Variants in CLSTN2 observed in about 807,000 individuals in gnomAD.
The protein encoded by CLSTN2 is calsyntenin-2.
CLSTN2 carries 48 observed loss-of-function variants against 101.2 expected under a neutral mutation model. The observed-to-expected ratio is 0.47, with a 90% CI of 0.38 to 0.60. The LOEUF (loss-of-function observed/expected upper bound fraction) is 0.60, where lower values mean the gene tolerates loss of function less well. CLSTN2 is among the 20% of genes least tolerant of loss of function. The pLI is 0.00. For missense variants in CLSTN2, 1,160 were observed against 1,238.2 expected (o/e 0.94, Z 0.95); for synonymous variants, 481 against 463.6 (o/e 1.04, Z -0.48).
chr3:140,463,946 C>T (rs755979003), intron 7 of CLSTN2, among the ~76,000 whole-genome samples: 15 of 152,102 alleles, frequency 9.9e-5, no homozygotes, highest in Non-Finnish European at 1.8e-4. Flanking sequence ...GAGCATCTTT[C>T]GCATGAGGAA....
intron 4 of CLSTN2, among the ~76,000 whole-genome samples, chr3:140,409,008 G>A (rs768983411): frequency 1.2e-4 from 19 of 152,204 alleles, no homozygotes; most frequent in Non-Finnish European, 2.5e-4. Flanking sequence ...CCTGCAGCTC[G>A]CCCCTGCAGC....
At chr3:140,201,726 C>T (rs1166781480) in intron 2 of CLSTN2, among the ~76,000 whole-genome samples, 1 of 152,040 alleles carries the variant, frequency 6.6e-6, no homozygotes, top group Non-Finnish European at 1.5e-5. Context: ...CTTGGTGAAG[C>T]TTACATCACA....
At chr3:140,282,062 G>T (rs1316645914) in intron 2 of CLSTN2, among the ~76,000 whole-genome samples, 1 of 152,138 alleles carries the variant, frequency 6.6e-6, no homozygotes, top group Admixed American at 6.5e-5. Flanking sequence ...GGGTAGATAG[G>T]TACCTTGAAC....
intron 1 of CLSTN2, among the ~76,000 whole-genome samples, chr3:140,004,864 A>G (rs535118545): frequency 5.3e-5 from 8 of 152,154 alleles, no homozygotes; most frequent in African/African-American, 1.7e-4. Flanking sequence ...AAAATTGCAG[A>G]TGAGTTTCTC....
At chr3:140,523,220 T>C (rs1197776160) in intron 8 of CLSTN2, among the ~76,000 whole-genome samples, 1 of 152,158 alleles carries the variant, frequency 6.6e-6, no homozygotes, top group Non-Finnish European at 1.5e-5. Context: ...CCTCGGGCAG[T>C]GGCAGTGTTT....
chr3:140,184,940 A>T (rs531297406), intron 2 of CLSTN2, among the ~76,000 whole-genome samples: 2 of 152,266 alleles, frequency 1.3e-5, no homozygotes, highest in East Asian at 3.9e-4. Context: ...CTCCCACTCC[A>T]AGAGGAGAAG....
chr3:139,937,654 G>A (rs980562391), intron 1 of CLSTN2, among the ~76,000 whole-genome samples: 12 of 151,860 alleles, frequency 7.9e-5, no homozygotes, highest in African/African-American at 2.7e-4. Context: ...TGAGGCAGGA[G>A]AATCACTTGA....
chr3:140,541,658 C>A (rs987930252), intron 9 of CLSTN2, among the ~76,000 whole-genome samples: 1 of 152,188 alleles, frequency 6.6e-6, no homozygotes, highest in Non-Finnish European at 1.5e-5. Flanking sequence ...CATTCCTTGT[C>A]GGCATCACCC....
chr3:140,570,562 T>C lies in CLSTN2; in HGVS notation c.*4309T>C, dbSNP rs912257895. 6.6e-6 allele frequency: 1 copy of C among 152,198 alleles called. No individual in the cohort carries two copies. The highest frequency in any genetic ancestry group is 1.5e-5 in the Non-Finnish European group (1 of 68,038). 9.4% of individuals were successfully genotyped at this position (152,198 alleles called of 1,614,324 possible). A position where few individuals can be genotyped will look rare whatever the true frequency, so the allele number is the denominator to read the frequency against. On this transcript the variant is annotated 3_prime_UTR_variant, in exon 17 of 17. Coordinates refer to ENST00000458420, the MANE Select transcript of CLSTN2 (RefSeq NM_022131.3). ...GGGATGACTGTACTCAGCTCTCCTA[T>C]TGTAGCATGAAAACAGACAATACGT... is the stretch of plus-strand genomic sequence containing the variant.
chr3:140,003,049 CT>C (rs1243697998), intron 1 of CLSTN2, among the ~76,000 whole-genome samples: 3 of 152,074 alleles, frequency 2.0e-5, no homozygotes, highest in African/African-American at 7.2e-5. Flanking sequence ...TACTCTGGGT[CT>C]TTTGTGGTTC....
Position 139,996,695 on chromosome 3 carries a change from A to G in CLSTN2, c.109+61212A>G, listed in dbSNP as rs1340821303. Among the ~76,000 whole-genome samples, 3 of 152,120 alleles carry G rather than the reference A, an allele frequency of 2.0e-5. 1 individual carries two copies. Among genetic ancestry groups the G allele is most frequent in the Non-Finnish European group, 4.4e-5 (3 of 68,032 alleles). Reference sequence around the variant, plus strand: ...TTTATTTTTCATTTTCCTGTTTGCTATCAAGGCTTAGCATTTCTTCATATG... The same window carrying G: ...TTTATTTTTCATTTTCCTGTTTGCTGTCAAGGCTTAGCATTTCTTCATATG... On this transcript the variant is annotated intron_variant, in intron 1 of 16. Transcript: ENST00000458420.
At chr3:140,409,804 T>C (rs2088342755) in intron 4 of CLSTN2, among the ~76,000 whole-genome samples, 1 of 151,604 alleles carries the variant, frequency 6.6e-6, no homozygotes, top group African/African-American at 2.4e-5. Flanking sequence ...ATTAACTAAA[T>C]CAGGAAAACT....
At chr3:140,114,488 C>A (rs756312681) in intron 1 of CLSTN2, among the ~76,000 whole-genome samples, 2 of 152,150 alleles carry the variant, frequency 1.3e-5, no homozygotes, top group Non-Finnish European at 1.5e-5. Flanking sequence ...CTATCTAAAG[C>A]TGAATCACCT....
intron 2 of CLSTN2, among the ~76,000 whole-genome samples, chr3:140,237,154 T>G (rs961762383): frequency 6.6e-6 from 1 of 152,176 alleles, no homozygotes; most frequent in African/African-American, 2.4e-5. Flanking sequence ...TGTTCTGGAA[T>G]GCACTTAAAT....
intron 9 of CLSTN2, among the ~76,000 whole-genome samples, chr3:140,538,298 T>G (rs1935397515): frequency 6.6e-6 from 1 of 152,220 alleles, no homozygotes; most frequent in Non-Finnish European, 1.5e-5. Flanking sequence ...CTTTCTACCC[T>G]GGATCCTGGT....
intron 1 of CLSTN2, among the ~76,000 whole-genome samples, chr3:140,125,167 A>G (rs1160053200): frequency 1.3e-5 from 2 of 152,130 alleles, no homozygotes; most frequent in Admixed American, 6.6e-5. Context: ...GGAAGTGATA[A>G]CCATGGGTCT....
intron 8 of CLSTN2, among the ~76,000 whole-genome samples, chr3:140,472,383 A>C (rs574391456): frequency 2.4e-4 from 37 of 152,210 alleles, no homozygotes; most frequent in Non-Finnish European, 4.9e-4. Context: ...ATGCAGAGTC[A>C]GTTTACTTGC....
intron 1 of CLSTN2, among the ~76,000 whole-genome samples, chr3:140,031,922 C>T (rs775369225): frequency 6.6e-5 from 10 of 152,136 alleles, no homozygotes; most frequent in African/African-American, 1.4e-4. Flanking sequence ...ATTTGTCTTT[C>T]GGACCTCACA....
At chr3:140,412,239 T>C (rs1057208321) in intron 4 of CLSTN2, among the ~76,000 whole-genome samples, 1 of 152,192 alleles carries the variant, frequency 6.6e-6, no homozygotes, top group African/African-American at 2.4e-5. Context: ...GGTCTTAAAC[T>C]CCTGACCTCA....
Sources: gnomAD v4.1 joint callset for allele counts (sites outside exome capture counted in the v4.1 genomes callset) on GRCh38, gnomAD v4.1.1 for gene constraint, MANE v1.5 for transcripts, NCBI Gene and HGNC (gene_info 2026-07-23, HGNC 2026-07-21) for gene names.